ARMC3: variants seen among roughly 807,000 people sequenced by gnomAD.
ARMC3 encodes armadillo repeat-containing protein 3.
ARMC3 carries 74 observed loss-of-function variants against 90.3 expected under a neutral mutation model. The ratio of observed to expected loss-of-function variants is 0.82; its 90% CI spans 0.68 to 0.99. The LOEUF (loss-of-function observed/expected upper bound fraction) is 0.99. ARMC3 is among the 50% of genes least tolerant of loss of function. The probability of loss-of-function intolerance (pLI) is 0.00; values close to 1 mark genes in which losing one functional copy is unlikely to be tolerated. For missense variants in ARMC3, 958 were observed against 1,042.8 expected (o/e 0.92, Z 1.12); for synonymous variants, 334 against 361.8 (o/e 0.92, Z 0.87).
intron 10 of ARMC3, among the ~76,000 whole-genome samples, chr10:22,990,323 G>A (rs1836648075): frequency 6.6e-6 from 1 of 152,186 alleles, no homozygotes; most frequent in Non-Finnish European, 1.5e-5. Flanking sequence ...GCTTGAGTAG[G>A]ATTTCTGAGG....
intron 17 of ARMC3, 55 bp from the exon 18 acceptor site, chr10:23,032,806 C>T: frequency 6.6e-7 from 1 of 1,515,992 alleles, no homozygotes; most frequent in South Asian, 1.2e-5. Context: ...ACACTCAAAG[C>T]ATCCTAAGCG....
chr10:22,979,441 C>T (rs1359228717), intron 8 of ARMC3, among the ~76,000 whole-genome samples: 1 of 152,152 alleles, frequency 6.6e-6, no homozygotes, highest in Non-Finnish European at 1.5e-5. Context: ...ACTAATTGCC[C>T]TCAGTATCTA....
At chr10:22,977,218 A>G (rs1664513392) in intron 8 of ARMC3, among the ~76,000 whole-genome samples, 3 of 152,218 alleles carry the variant, frequency 2.0e-5, no homozygotes, top group African/African-American at 7.2e-5. Flanking sequence ...AGGTGTCAAT[A>G]AAATAACTGG....
rs900125646 is a variant in ARMC3, at chr10:22,981,475, A to AT, written c.1058dup (p.Asn354GlnfsTer2). 1.9e-6 allele frequency: 3 copies of AT among 1,613,656 alleles called. No individual in the cohort carries two copies. Among genetic ancestry groups the AT allele is most frequent in the East Asian group, 2.2e-5 (1 of 44,884 alleles). The stretch of plus-strand genomic sequence containing the variant: ...ATGTGTGAGAATTCAGGCAGCAAAG[A>AT]TTTTTTCAATAATCAGGGTAAGTCA... On this transcript the variant is annotated frameshift_variant, in exon 9 of 19. Transcript: ENST00000298032. LOFTEE classifies it high-confidence loss of function.
chr10:22,951,082 C>A (rs1042978861), intron 3 of ARMC3, among the ~76,000 whole-genome samples: 10 of 151,194 alleles, frequency 6.6e-5, no homozygotes, highest in Non-Finnish European at 1.3e-4. Flanking sequence ...GGACTACAGG[C>A]GCCCGCCACT....
At chr10:23,010,437 TCCCC>T (rs1268373022) in intron 16 of ARMC3, among the ~76,000 whole-genome samples, 6 of 11,270 alleles carry the variant, frequency 5.3e-4, no homozygotes, top group Non-Finnish European at 1.4e-3. Context: ...TTCCCTTCCC[TCCCC>T]TCTCCTTCCT....
intron 16 of ARMC3, among the ~76,000 whole-genome samples, chr10:23,011,158 T>C (rs1384903351): frequency 6.6e-6 from 1 of 152,080 alleles, no homozygotes; most frequent in Admixed American, 6.6e-5. Context: ...ATGTTCTAAT[T>C]TGAATAGTTT....
chr10:23,005,390 T>C (rs1837550182), intron 13 of ARMC3, among the ~76,000 whole-genome samples: 1 of 152,196 alleles, frequency 6.6e-6, no homozygotes, highest in Admixed American at 6.5e-5. Flanking sequence ...GACAATTTCT[T>C]TTTTAAAGGG....
At chr10:22,955,527 G>A (rs929557761) in intron 3 of ARMC3, 10 of 251,314 alleles carry the variant, frequency 4.0e-5, no homozygotes, top group Non-Finnish European at 7.7e-5. Context: ...CTTGGATGTG[G>A]TGACAGAATT....
chr10:23,015,344 C>A (rs1186408212), intron 16 of ARMC3, among the ~76,000 whole-genome samples: 8 of 152,178 alleles, frequency 5.3e-5, no homozygotes, highest in African/African-American at 1.9e-4. Flanking sequence ...CCACTCTCCT[C>A]CTTCCTTAGT....
chr10:23,018,904 G>A (rs1838397614), intron 16 of ARMC3, among the ~76,000 whole-genome samples: 1 of 152,142 alleles, frequency 6.6e-6, no homozygotes, highest in Admixed American at 6.5e-5. Context: ...AAGTGAGGAG[G>A]CTGTGACTCC....
At chr10:22,956,254 A>T (rs868627310) in intron 4 of ARMC3, among the ~76,000 whole-genome samples, 4 of 152,246 alleles carry the variant, frequency 2.6e-5, no homozygotes, top group Admixed American at 6.5e-5. Context: ...GCCTATATGT[A>T]TCTTACATTT....
At chr10:23,010,464 TCCTTCCTTTCCCTCCTCC>T (rs773916377) in intron 16 of ARMC3, among the ~76,000 whole-genome samples, 3,740 of 17,094 alleles carry the variant, frequency 0.22, 500 homozygotes, top group Non-Finnish European at 0.29. Context: ...CCCTCCTCCC[TCCTTCCTTTCCCTCCTCC>T]CTCCTTCCTT....
At position 22,998,223 on chromosome 10, in the gene ARMC3, C is replaced by A. The variant is rs368113621; in HGVS notation, c.1251C>A (p.Asn417Lys). The A allele has an allele frequency of 1.9e-6, 3 of 1,613,040 alleles. No individual in the cohort carries two copies. Among genetic ancestry groups the A allele is most frequent in the Non-Finnish European group, 2.5e-6 (3 of 1,179,516 alleles). ...GTAAACGAGATGGAGCCATTGCCAA[C>A]GCTGCTACAGTATTAACAAACATGG... is the stretch of plus-strand genomic sequence containing the variant. ...LSSKRDGAIA[N>K]AATVLTNMAM... is the part of the protein sequence containing the mutation. The change falls in exon 11 of 19, where the codon AAC becomes AAA. Residue 417 changes from asparagine to lysine, a missense_variant. Coordinates refer to ENST00000298032, the MANE Select transcript of ARMC3 (RefSeq NM_173081.5).
Position 23,023,798 on chromosome 10 carries a change from A to G in ARMC3, c.2046-6798A>G, listed in dbSNP as rs9783227. 2.0e-3 allele frequency among the ~76,000 whole-genome samples: 297 copies of G among 152,264 alleles called. 3 individuals are homozygous for G. Among genetic ancestry groups the G allele is most frequent in the African/African-American group, 6.8e-3 (282 of 41,576 alleles). On this transcript the variant is annotated intron_variant, in intron 16 of 18. Coordinates refer to ENST00000298032, the MANE Select transcript of ARMC3 (RefSeq NM_173081.5). Reference sequence around the variant, plus strand: ...CAGAGCAGTAGAATTCACTCAATCTATATAACCAAGAGAAAAATTAACTGG... The same window carrying G: ...CAGAGCAGTAGAATTCACTCAATCTGTATAACCAAGAGAAAAATTAACTGG...
intron 3 of ARMC3, among the ~76,000 whole-genome samples, chr10:22,950,663 T>A (rs1834707881): frequency 2.6e-5 from 4 of 152,140 alleles, no homozygotes; most frequent in Admixed American, 2.6e-4. Context: ...ATGTCCTAAA[T>A]ACCTTGATTA....
chr10:22,992,850 C>T (rs867778222), intron 10 of ARMC3, among the ~76,000 whole-genome samples: 3 of 152,226 alleles, frequency 2.0e-5, no homozygotes, highest in African/African-American at 4.8e-5. Context: ...TTTATCATAA[C>T]GGCCAGTGTT....
Position 22,955,928 on chromosome 10 carries a change from T to C in ARMC3, c.288T>C (p.Ser96=), listed in dbSNP as rs144098038. 1,250 of 1,597,966 alleles carry C rather than the reference T, an allele frequency of 7.8e-4. 6 individuals are homozygous for C. The African/African-American group carries it at 0.014, about 18-fold the overall frequency. ...CTATGATATTTGGAATCCTGGCTTCTAATAGTAAGTATCAACTTTTAAAAA... is the reference window on the plus strand; with the variant it reads ...CTATGATATTTGGAATCCTGGCTTCCAATAGTAAGTATCAACTTTTAAAAA... ...NATMIFGILA[S]NNDVKKLLRE... is the part of the protein sequence containing the mutation. Residue 96 remains serine (S), a synonymous_variant, in exon 4 of 19, where the codon TCT becomes TCC. Transcript: ENST00000298032.
chr10:23,003,988 G>T (rs910165210), intron 13 of ARMC3, among the ~76,000 whole-genome samples: 1 of 151,968 alleles, frequency 6.6e-6, no homozygotes, highest in South Asian at 2.1e-4. Flanking sequence ...CTCTATAAAA[G>T]AACTTTAAAA....
Sources: gnomAD v4.1 joint callset for allele counts (sites outside exome capture counted in the v4.1 genomes callset) on GRCh38, gnomAD v4.1.1 for gene constraint, MANE v1.5 for transcripts, NCBI Gene and HGNC (gene_info 2026-07-23, HGNC 2026-07-21) for gene names.